Variants in NRG1 observed in about 807,000 individuals in gnomAD.
NRG1 encodes the protein neuregulin 1.
NRG1 carries 18 observed loss-of-function variants against 63.8 expected under a neutral mutation model. The observed-to-expected ratio is 0.28, with a 90% CI of 0.19 to 0.42. NRG1 has a LOEUF of 0.42. NRG1 is among the 10% of genes least tolerant of loss of function. The pLI, the probability that NRG1 is intolerant of heterozygous loss-of-function variation, is 1.00. For synonymous variants in NRG1, 302 were observed against 301.3 expected, an observed-to-expected ratio of 1.00 and a Z score of -0.02; for missense variants, 762 against 814.7, an observed-to-expected ratio of 0.94 and a Z score of 0.79.
At chr8:31,663,964 G>T (rs988854877) in intron 1 of NRG1, among the ~76,000 whole-genome samples, 4 of 151,980 alleles carry the variant, frequency 2.6e-5, no homozygotes, top group Non-Finnish European at 2.9e-5. Context: ...AGGAAAGGGT[G>T]GGTTCTTCTT....
At chr8:32,431,792 C>G (rs148547822) in intron 1 of NRG1, among the ~76,000 whole-genome samples, 142 of 151,672 alleles carry the variant, frequency 9.4e-4, no homozygotes, top group African/African-American at 3.3e-3. Context: ...AATTTAGAAA[C>G]AACAGCAATA....
intron 1 of NRG1, among the ~76,000 whole-genome samples, chr8:32,185,457 A>G (rs944355341): frequency 2.0e-5 from 3 of 152,180 alleles, no homozygotes; most frequent in Admixed American, 2.0e-4. Context: ...AGTGGCTATT[A>G]GGGGCTAGAC....
At chr8:31,745,645 T>C (rs1280740941) in intron 1 of NRG1, among the ~76,000 whole-genome samples, 1 of 151,960 alleles carries the variant, frequency 6.6e-6, no homozygotes, top group Non-Finnish European at 1.5e-5. Context: ...TGTGGTTTAC[T>C]AGCCAAGATT....
At chr8:32,023,640 G>A (rs1586548295) in intron 1 of NRG1, among the ~76,000 whole-genome samples, 1 of 152,082 alleles carries the variant, frequency 6.6e-6, no homozygotes, top group Non-Finnish European at 1.5e-5. Context: ...GTTAAGGAGA[G>A]GGAAGTGGTG....
chr8:32,366,567 A>G (rs189208933), intron 1 of NRG1, among the ~76,000 whole-genome samples: 2 of 151,698 alleles, frequency 1.3e-5, no homozygotes, highest in Admixed American at 1.3e-4. Flanking sequence ...TTGTATGTAT[A>G]TACACATATA....
intron 1 of NRG1, among the ~76,000 whole-genome samples, chr8:31,884,645 A>G (rs1830587156): frequency 6.6e-6 from 1 of 152,190 alleles, no homozygotes; most frequent in African/African-American, 2.4e-5. Flanking sequence ...GATCTGAAAC[A>G]CACAGCAAAT....
At chr8:31,940,166 A>G (rs1010149180) in intron 1 of NRG1, among the ~76,000 whole-genome samples, 3 of 152,166 alleles carry the variant, frequency 2.0e-5, no homozygotes, top group Non-Finnish European at 4.4e-5. Context: ...AACAAGTCTG[A>G]GCAAATTTAA....
At position 32,086,409 on chromosome 8, in the gene NRG1, G is replaced by T. The variant is rs191781161; in HGVS notation, c.37+446978G>T. 5.6e-4 allele frequency among the ~76,000 whole-genome samples: 85 copies of T among 152,284 alleles called. 1 individual carries two copies. The highest frequency in any genetic ancestry group is 1.9e-3 in the African/African-American group (80 of 41,564). On this transcript the variant is annotated intron_variant, in intron 1 of 10. Transcript: ENST00000519301. ...TTCCATACTTAGAGATCATCCACTA[G>T]GGTTTCTTTGAGCTTGGTGAAGAAT...
chr8:32,518,386 A>G lies in NRG1; in HGVS notation c.38-77442A>G, dbSNP rs918471957. Among the ~76,000 whole-genome samples, 15 of 152,330 alleles carry G rather than the reference A, an allele frequency of 9.8e-5. No individual in the cohort carries two copies. The East Asian group carries it at 2.5e-3, about 25-fold the overall frequency. On this transcript the variant is annotated intron_variant, in intron 1 of 10. Coordinates refer to the NRG1 transcript ENST00000519301. ...AGAAGAAAATTCTATTTTGAAATCCATAAAGAATCTCATAATTCCTTGCAA... is the reference window on the plus strand; with the variant it reads ...AGAAGAAAATTCTATTTTGAAATCCGTAAAGAATCTCATAATTCCTTGCAA...
At chr8:32,633,246 C>T (rs1190033790) in intron 5 of NRG1, among the ~76,000 whole-genome samples, 1 of 151,902 alleles carries the variant, frequency 6.6e-6, no homozygotes, top group Non-Finnish European at 1.5e-5. Flanking sequence ...ATCCATCTAC[C>T]AAAAACAATC....
At chr8:31,938,964 A>G (rs1040632423) in intron 1 of NRG1, among the ~76,000 whole-genome samples, 4 of 152,322 alleles carry the variant, frequency 2.6e-5, no homozygotes, top group African/African-American at 9.6e-5. Flanking sequence ...GGAAGAAGAG[A>G]AATCTAAAAG....
At chr8:32,154,306 G>C (rs1176441697) in intron 1 of NRG1, among the ~76,000 whole-genome samples, 2 of 151,742 alleles carry the variant, frequency 1.3e-5, no homozygotes, top group Admixed American at 6.6e-5. Context: ...CCTCTCAAGA[G>C]AGTAATGTGC....
intron 1 of NRG1, among the ~76,000 whole-genome samples, chr8:31,745,255 A>G (rs1376378643): frequency 6.6e-6 from 1 of 151,934 alleles, no homozygotes; most frequent in African/African-American, 2.4e-5. Flanking sequence ...GTAGATGGCC[A>G]TGCTTGTCCC....
chr8:31,639,367 G>A (rs1585330660), exon 1 of NRG1: 4 of 1,534,120 alleles, frequency 2.6e-6, no homozygotes, highest in Non-Finnish European at 2.6e-6. Flanking sequence ...GGACCCACTC[G>A]CGGGTCCCGC....
chr8:32,021,530 T>A (rs535093486), intron 1 of NRG1, among the ~76,000 whole-genome samples: 3 of 152,112 alleles, frequency 2.0e-5, no homozygotes, highest in Non-Finnish European at 4.4e-5. Flanking sequence ...CACCTCCCAA[T>A]AGGCCCTACC....
intron 6 of NRG1, among the ~76,000 whole-genome samples, chr8:32,737,354 C>T (rs1263179641): frequency 6.6e-6 from 1 of 151,956 alleles, no homozygotes; most frequent in Non-Finnish European, 1.5e-5. Context: ...AGTTTGAGAC[C>T]AGCCTGACCA....
chr8:31,880,207 A>C (rs1830243248), intron 1 of NRG1, among the ~76,000 whole-genome samples: 1 of 152,194 alleles, frequency 6.6e-6, no homozygotes, highest in African/African-American at 2.4e-5. Context: ...AAATGTATTC[A>C]TGACATAAAT....
intron 1 of NRG1, among the ~76,000 whole-genome samples, chr8:32,388,214 G>C (rs994249881): frequency 6.6e-6 from 1 of 152,122 alleles, no homozygotes; most frequent in Non-Finnish European, 1.5e-5. Context: ...AACTTTTAAG[G>C]GTTGTGAACT....
intron 1 of NRG1, among the ~76,000 whole-genome samples, chr8:31,823,117 C>CTTTTTTTTTTT (rs147209584): frequency 7.7e-5 from 6 of 77,962 alleles, no homozygotes; most frequent in African/African-American, 1.0e-4. Context: ...TGTCCTTGTT[C>CTTTTTTTTTTT]TTTTTTTTTT....
Sources: gnomAD v4.1 joint callset for allele counts (sites outside exome capture counted in the v4.1 genomes callset) on GRCh38, gnomAD v4.1.1 for gene constraint, MANE v1.5 for transcripts, NCBI Gene and HGNC (gene_info 2026-07-23, HGNC 2026-07-21) for gene names.